FRMPD1: variants seen among roughly 807,000 people sequenced by gnomAD.
The protein encoded by FRMPD1 is FERM and PDZ domain-containing protein 1.
In FRMPD1, 76 loss-of-function variants were observed where a neutral mutation model predicts 117.8. That is an observed-to-expected ratio of 0.65 (90% CI 0.54 to 0.78). FRMPD1 has a LOEUF of 0.78. Ranked by LOEUF, FRMPD1 falls within the 30% of genes least tolerant of loss-of-function variation. FRMPD1 has a pLI of 0.00. For synonymous variants in FRMPD1, 783 were observed against 770.4 expected, an observed-to-expected ratio of 1.02 and a Z score of -0.27; for missense variants, 1,786 against 1,964.5, an observed-to-expected ratio of 0.91 and a Z score of 1.72.
In FRMPD1 at chr9:37,746,814, C is replaced by T; in HGVS notation, c.*45C>T. On this transcript the variant is annotated 3_prime_UTR_variant, in exon 16 of 16. Coordinates refer to ENST00000377765, the MANE Select transcript of FRMPD1 (RefSeq NM_014907.3). ...GCCTCCTGCCCTGTCCTGCCTTGGA[C>T]ACTTCCCTGAGAAGCCCCTTCCACT... 7.3e-7 allele frequency: 1 copy of T among 1,377,742 alleles called. No individual in the cohort carries two copies. Among genetic ancestry groups the T allele is most frequent in the Non-Finnish European group, 1.0e-6 (1 of 974,124 alleles). 85.3% of individuals were successfully genotyped at this position (1,377,742 alleles called of 1,614,324 possible).
chr9:37,682,806 T>TA (rs1398872297), intron 1 of FRMPD1, among the ~76,000 whole-genome samples: 1 of 152,208 alleles, frequency 6.6e-6, no homozygotes, highest in African/African-American at 2.4e-5. Flanking sequence ...GGTTATTACT[T>TA]ACTGTCAAGG....
chr9:37,724,436 C>A (rs1288468022), intron 7 of FRMPD1, 116 bp downstream of exon 7: 1 of 570,838 alleles, frequency 1.8e-6, no homozygotes, highest in Admixed American at 2.8e-5. Context: ...GTGGTCTGAG[C>A]CCCTGTAATA....
intron 1 of FRMPD1, among the ~76,000 whole-genome samples, chr9:37,683,852 G>GA (rs1821823506): frequency 7.1e-6 from 1 of 141,272 alleles, no homozygotes; most frequent in African/African-American, 2.8e-5. Flanking sequence ...TGGGGGAGAT[G>GA]AAGTTAGCAA....
intron 4 of FRMPD1, among the ~76,000 whole-genome samples, chr9:37,710,491 C>G (rs1822865323): frequency 6.6e-6 from 1 of 152,136 alleles, no homozygotes; most frequent in Non-Finnish European, 1.5e-5. Context: ...AAGATGTCTA[C>G]TATCTTGATT....
Position 37,744,994 on chromosome 9 carries a change from C to A in FRMPD1, c.2962C>A (p.Gln988Lys). Residue 988 changes from glutamine (Q) to lysine (K), a missense_variant, in exon 16 of 16, where the codon CAA becomes AAA. By Grantham distance (53) the Gln-to-Lys change is moderately conservative. Coordinates refer to ENST00000377765, the MANE Select transcript of FRMPD1 (RefSeq NM_014907.3). ...AGATACTGCTCAGGCAAGGCCTTCCCAAATCTTACCTCTATCTCAAGACCT... is the reference window on the plus strand; with the variant it reads ...AGATACTGCTCAGGCAAGGCCTTCCAAAATCTTACCTCTATCTCAAGACCT... ...GPDTAQARPS[Q>K]ILPLSQDLDG... 1 of 1,614,204 alleles carries A rather than the reference C, an allele frequency of 6.2e-7. No homozygotes were observed. Among genetic ancestry groups the A allele is most frequent in the Non-Finnish European group, 8.5e-7 (1 of 1,180,018 alleles).
chr9:37,629,313 A>C, the FRMPD1 span, among the ~76,000 whole-genome samples: 19,734 of 152,288 alleles, frequency 0.13, 1,461 homozygotes, highest in Admixed American at 0.2. Context: ...GACCCACTGG[A>C]TGAGTCAGTC....
chr9:37,609,369 C>T, the FRMPD1 span, among the ~76,000 whole-genome samples: 1 of 152,062 alleles, frequency 6.6e-6, no homozygotes. Context: ...TTCCTCTGCC[C>T]CCAAGAAACT....
intron 1 of FRMPD1, among the ~76,000 whole-genome samples, chr9:37,677,584 G>A (rs1409149416): frequency 6.6e-6 from 1 of 152,236 alleles, no homozygotes; most frequent in Admixed American, 6.5e-5. Flanking sequence ...AAGGGAACTT[G>A]TCCAAGGATG....
chr9:37,603,916 G>A, the FRMPD1 span, among the ~76,000 whole-genome samples: 3 of 152,102 alleles, frequency 2.0e-5, no homozygotes, highest in African/African-American at 7.2e-5. Flanking sequence ...CTGACCTCAG[G>A]TGATCCGCCC....
At chr9:37,713,866 T>TAC (rs1268638629) in intron 5 of FRMPD1, among the ~76,000 whole-genome samples, 1 of 152,198 alleles carries the variant, frequency 6.6e-6, no homozygotes, top group Admixed American at 6.5e-5. Context: ...AAAGGTTGCC[T>TAC]ACGCATTTAG....
At chr9:37,690,321 T>G (rs1822087160) in intron 1 of FRMPD1, among the ~76,000 whole-genome samples, 1 of 152,142 alleles carries the variant, frequency 6.6e-6, no homozygotes, top group Non-Finnish European at 1.5e-5. Context: ...TCTGATAGTT[T>G]ATTTTTAAAA....
intron 1 of FRMPD1, among the ~76,000 whole-genome samples, chr9:37,655,070 C>A (rs1321688190): frequency 6.6e-6 from 1 of 152,186 alleles, no homozygotes; most frequent in East Asian, 1.9e-4. Flanking sequence ...GCCCTGGTAC[C>A]AAAATACTGG....
intron 1 of FRMPD1, among the ~76,000 whole-genome samples, chr9:37,680,150 C>G (rs1821672978): frequency 6.6e-6 from 1 of 152,150 alleles, no homozygotes; most frequent in African/African-American, 2.4e-5. Flanking sequence ...CCTGTTGCCA[C>G]CCTGTAGCTC....
intron 15 of FRMPD1, among the ~76,000 whole-genome samples, chr9:37,741,450 G>GACAC (rs56971939): frequency 0.14 from 19,326 of 135,322 alleles, 1,314 homozygotes; most frequent in Admixed American, 0.16. Context: ...ATCCTGGCAG[G>GACAC]ACACACACAC....
In FRMPD1 at chr9:37,698,092, C is replaced by T. The variant is rs540386902; in HGVS notation, c.101+5350C>T. 4.4e-3 allele frequency among the ~76,000 whole-genome samples: 674 copies of T among 152,272 alleles called. 4 individuals are homozygous for T. The highest frequency in any genetic ancestry group is 0.016 in the African/African-American group (651 of 41,554). The stretch of plus-strand genomic sequence containing the variant: ...TCGTGCCACTGCACTCCAGCCTGGG[C>T]AATGGAGTGAGACTCTGTCTTAAAA... On this transcript the variant is annotated intron_variant, in intron 2 of 15. Coordinates refer to ENST00000377765, the MANE Select transcript of FRMPD1 (RefSeq NM_014907.3).
At chr9:37,741,971 C>G (rs572334996) in intron 15 of FRMPD1, among the ~76,000 whole-genome samples, 6 of 152,206 alleles carry the variant, frequency 3.9e-5, no homozygotes, top group Admixed American at 6.5e-5. Context: ...CTTGCATTAC[C>G]TGGGGCTCTC....
At chr9:37,648,360 T>C (rs1016770772), upstream of FRMPD1, among the ~76,000 whole-genome samples, 5 of 152,100 alleles carry the variant, frequency 3.3e-5, no homozygotes, top group African/African-American at 9.7e-5. Flanking sequence ...GAGGTAGAGA[T>C]GGCGCCACAC....
chr9:37,696,345 A>G (rs958698273), intron 2 of FRMPD1, among the ~76,000 whole-genome samples: 37 of 152,120 alleles, frequency 2.4e-4, no homozygotes, highest in African/African-American at 8.7e-4. Flanking sequence ...CACCTCTGCC[A>G]TCATATGGCT....
At chr9:37,726,470 G>T (rs908924684) in intron 7 of FRMPD1, among the ~76,000 whole-genome samples, 1 of 152,260 alleles carries the variant, frequency 6.6e-6, no homozygotes, top group East Asian at 1.9e-4. Context: ...GGCCGAAGTG[G>T]GTGGATCAAC....
Sources: gnomAD v4.1 joint callset for allele counts (sites outside exome capture counted in the v4.1 genomes callset) on GRCh38, gnomAD v4.1.1 for gene constraint, MANE v1.5 for transcripts, NCBI Gene and HGNC (gene_info 2026-07-23, HGNC 2026-07-21) for gene names.